Variants in LIMCH1 observed in about 807,000 individuals in gnomAD.
LIMCH1 encodes LIM and calponin homology domains-containing protein 1.
LIMCH1 carries 113 observed loss-of-function variants against 176.5 expected under a neutral mutation model. The ratio of observed to expected loss-of-function variants is 0.64; its 90% CI spans 0.55 to 0.75. The LOEUF (loss-of-function observed/expected upper bound fraction) is 0.75, where lower values mean the gene tolerates loss of function less well. LIMCH1 is among the 30% of genes least tolerant of loss of function. LIMCH1 has a pLI of 0.00. For missense variants in LIMCH1, 1,674 were observed against 1,814.9 expected (o/e 0.92, Z 1.41); for synonymous variants, 619 against 645.9 (o/e 0.96, Z 0.63).
At chr4:41,686,722 A>C (rs1721083273) in intron 28 of LIMCH1, among the ~76,000 whole-genome samples, 1 of 152,212 alleles carries the variant, frequency 6.6e-6, no homozygotes, top group Non-Finnish European at 1.5e-5. Flanking sequence ...CCTGGCTAAT[A>C]GTAAGTGTAG....
chr4:41,443,192 CTTTTTTTTTTTTTTTT>C (rs916559501), intron 1 of LIMCH1, among the ~76,000 whole-genome samples: 1 of 39,678 alleles, frequency 2.5e-5, no homozygotes, highest in Non-Finnish European at 4.1e-5. Flanking sequence ...TGTTTTTTTT[CTTTTTTTTTTTTTTTT>C]TTTTTTTTTT....
At chr4:41,599,300 G>C (rs1236013625) in intron 2 of LIMCH1, among the ~76,000 whole-genome samples, 2 of 152,188 alleles carry the variant, frequency 1.3e-5, no homozygotes, top group African/African-American at 4.8e-5. Flanking sequence ...GATTAACAGA[G>C]AGGCAAGAAA....
intron 1 of LIMCH1, among the ~76,000 whole-genome samples, chr4:41,362,993 T>G (rs1044304230): frequency 1.2e-4 from 19 of 152,196 alleles, no homozygotes; most frequent in African/African-American, 4.6e-4. Flanking sequence ...CCAGGCGAGC[T>G]GCGTGTGCAT....
intron 18 of LIMCH1, among the ~76,000 whole-genome samples, chr4:41,660,191 A>G (rs1013115516): frequency 2.0e-5 from 3 of 152,152 alleles, no homozygotes; most frequent in Admixed American, 6.6e-5. Flanking sequence ...ATCATTAACT[A>G]TTATTCAACA....
intron 2 of LIMCH1, among the ~76,000 whole-genome samples, chr4:41,503,798 G>T (rs764613509): frequency 1.3e-5 from 2 of 152,176 alleles, no homozygotes; most frequent in Non-Finnish European, 2.9e-5. Context: ...TCCTCTACCA[G>T]TCGGTTCCCT....
chr4:41,360,526 T>G (rs2051828402), upstream of LIMCH1: 9 of 175,296 alleles, frequency 5.1e-5, no homozygotes, highest in South Asian at 1.6e-3. This position sits in a 1 kb window ranked among gnomAD's most constrained non-coding sequence, Gnocchi z 4.5. Flanking sequence ...CCGGGTTATT[T>G]TTAGTCCGTA....
intron 1 of LIMCH1, among the ~76,000 whole-genome samples, chr4:41,492,752 G>C (rs1330352870): frequency 6.6e-6 from 1 of 152,158 alleles, no homozygotes; most frequent in African/African-American, 2.4e-5. Flanking sequence ...CCATTTCTCT[G>C]TATAGTTCTA....
chr4:41,632,467 A>G (rs941122083), intron 10 of LIMCH1, among the ~76,000 whole-genome samples: 9 of 152,142 alleles, frequency 5.9e-5, no homozygotes, highest in Admixed American at 2.0e-4. Flanking sequence ...AGGGGGTAGG[A>G]AATTAATAAG....
chr4:41,633,839 T>G (rs10017698), intron 13 of LIMCH1, 31 bp downstream of exon 13: 134,700 of 1,526,432 alleles, frequency 0.088, 10,939 homozygotes, highest in African/African-American at 0.42. Context: ...CCTTGTGACT[T>G]TGTTTCTCCA....
chr4:41,620,284 C>T (rs758718635), intron 6 of LIMCH1, 140 bp from the exon 7 acceptor site: 26 of 821,604 alleles, frequency 3.2e-5, no homozygotes, highest in Non-Finnish European at 4.7e-5. Flanking sequence ...GAATTTTCTT[C>T]ACATTATCAG....
At chr4:41,372,446 C>T (rs2054121730) in intron 1 of LIMCH1, among the ~76,000 whole-genome samples, 3 of 152,078 alleles carry the variant, frequency 2.0e-5, no homozygotes, top group Non-Finnish European at 2.9e-5. Context: ...CATACATTTA[C>T]AGGAATATGG....
At chr4:41,596,929 C>T (rs73810279) in intron 1 of LIMCH1, among the ~76,000 whole-genome samples, 13,246 of 152,142 alleles carry the variant, frequency 0.087, 1,875 homozygotes, top group African/African-American at 0.3. Context: ...GCCACCCTCA[C>T]TGGGGGAAAA....
chr4:41,391,464 CT>C (rs2057232430), intron 1 of LIMCH1, among the ~76,000 whole-genome samples: 1 of 152,066 alleles, frequency 6.6e-6, no homozygotes, highest in Non-Finnish European at 1.5e-5. Context: ...TGAATGTGGG[CT>C]GATATAGTGA....
chr4:41,510,016 C>G (rs1248247724), intron 2 of LIMCH1, among the ~76,000 whole-genome samples: 2 of 152,142 alleles, frequency 1.3e-5, no homozygotes, highest in East Asian at 3.9e-4. Context: ...TTGTCACTTC[C>G]TTTCTCCTAA....
chr4:41,480,917 GTC>G (rs1315135407), intron 1 of LIMCH1, among the ~76,000 whole-genome samples: 2 of 152,146 alleles, frequency 1.3e-5, no homozygotes, highest in African/African-American at 2.4e-5. Flanking sequence ...CCACTCGCAT[GTC>G]TCCGGACTGA....
At chr4:41,647,332 C>T (rs1438495034) in intron 17 of LIMCH1, among the ~76,000 whole-genome samples, 1 of 152,186 alleles carries the variant, frequency 6.6e-6, no homozygotes, top group Non-Finnish European at 1.5e-5. Flanking sequence ...AAGAAATTGG[C>T]ATTCAGCATC....
At chr4:41,668,450 A>G (rs139867857) in intron 21 of LIMCH1, among the ~76,000 whole-genome samples, 125 of 151,910 alleles carry the variant, frequency 8.2e-4, no homozygotes, top group African/African-American at 2.8e-3. Flanking sequence ...GATAAGTGGT[A>G]TAGAGAGGGA....
intron 1 of LIMCH1, among the ~76,000 whole-genome samples, chr4:41,473,677 C>T (rs55917083): frequency 0.017 from 2,661 of 152,266 alleles, 36 homozygotes; most frequent in Middle Eastern, 0.037. Flanking sequence ...CCCCAAAGCA[C>T]AGGCAGCAAA....
At chr4:41,612,907 A>G (rs1242297920) in intron 4 of LIMCH1, 3 of 1,435,580 alleles carry the variant, frequency 2.1e-6, no homozygotes, top group Non-Finnish European at 2.7e-6. Flanking sequence ...CTTTCAGAGC[A>G]GGAATTTCCC....
Sources: gnomAD v4.1 joint callset for allele counts (sites outside exome capture counted in the v4.1 genomes callset) on GRCh38, gnomAD v4.1.1 for gene constraint, Gnocchi (gnomAD v3.1) non-coding constraint, MANE v1.5 for transcripts, NCBI Gene and HGNC (gene_info 2026-07-23, HGNC 2026-07-21) for gene names.